The following PTPRE variants were observed in gnomAD, a reference collection of about 807,000 sequenced individuals.
PTPRE encodes the protein protein tyrosine phosphatase receptor type E.
PTPRE carries 51 observed loss-of-function variants against 102.0 expected under a neutral mutation model. The ratio of observed to expected loss-of-function variants is 0.50; its 90% confidence interval spans 0.40 to 0.63. The LOEUF is 0.63. PTPRE is among the 30% of genes least tolerant of loss of function. The pLI, the probability that PTPRE is intolerant of heterozygous loss-of-function variation, is 0.00. For missense variants in PTPRE, 752 were observed against 915.1 expected, an observed-to-expected ratio of 0.82 and a Z score of 2.30; for synonymous variants, 345 against 348.2, an observed-to-expected ratio of 0.99 and a Z score of 0.10.
chr10:128,019,932 T>C (rs1017868586), intron 2 of PTPRE, among the ~76,000 whole-genome samples: 2 of 152,188 alleles, frequency 1.3e-5, no homozygotes, highest in Non-Finnish European at 2.9e-5. Flanking sequence ...CAGTGATTGT[T>C]ATTAAGTTCT....
chr10:128,011,948 A>C (rs556056622), intron 2 of PTPRE, among the ~76,000 whole-genome samples: 2 of 152,376 alleles, frequency 1.3e-5, no homozygotes, highest in African/African-American at 4.8e-5. Context: ...TCCCAAGATC[A>C]GAGAAGGGAA....
At chr10:127,930,883 C>T (rs1384613223) in intron 1 of PTPRE, among the ~76,000 whole-genome samples, 4 of 151,730 alleles carry the variant, frequency 2.6e-5, no homozygotes, top group Admixed American at 2.0e-4. Context: ...ACTTCAGCCT[C>T]CCGGATTCAA....
chr10:127,912,860 G>A (rs902109224), intron 1 of PTPRE, among the ~76,000 whole-genome samples: 3 of 152,246 alleles, frequency 2.0e-5, no homozygotes, highest in Non-Finnish European at 2.9e-5. Context: ...CTGAGTAGGA[G>A]CCTGTCCAGG....
At chr10:127,955,793 A>T (rs958438134) in intron 1 of PTPRE, among the ~76,000 whole-genome samples, 1 of 152,196 alleles carries the variant, frequency 6.6e-6, no homozygotes, top group Non-Finnish European at 1.5e-5. Flanking sequence ...AGGAAGCATG[A>T]CTGGGAAGCC....
At chr10:128,035,869 C>G (rs1422207125) in intron 2 of PTPRE, among the ~76,000 whole-genome samples, 1 of 152,130 alleles carries the variant, frequency 6.6e-6, no homozygotes, top group African/African-American at 2.4e-5. Flanking sequence ...GAGAGAAAGT[C>G]AGGGACTGGG....
chr10:128,033,672 T>C (rs1846958317), intron 2 of PTPRE, among the ~76,000 whole-genome samples: 1 of 152,182 alleles, frequency 6.6e-6, no homozygotes, highest in Admixed American at 6.5e-5. Flanking sequence ...CAAGATGGAG[T>C]GTCGCTCTGT....
intron 20 of PTPRE, among the ~76,000 whole-genome samples, chr10:128,081,435 C>T (rs1227657118): frequency 2.6e-5 from 4 of 152,248 alleles, no homozygotes; most frequent in East Asian, 1.9e-4. Context: ...AAGTACACTT[C>T]ATCCATCACT....
intron 2 of PTPRE, among the ~76,000 whole-genome samples, chr10:128,034,922 T>C (rs1414182163): frequency 6.6e-6 from 1 of 152,234 alleles, no homozygotes; most frequent in Non-Finnish European, 1.5e-5. Flanking sequence ...ATAAGTATTA[T>C]TTTACGTTCT....
chr10:128,020,656 C>T (rs1235905491), intron 2 of PTPRE, among the ~76,000 whole-genome samples: 1 of 152,200 alleles, frequency 6.6e-6, no homozygotes, highest in South Asian at 2.1e-4. Flanking sequence ...CTGGGAAATG[C>T]TGGTCCTTAC....
At position 128,063,421 on chromosome 10, in the gene PTPRE, T is replaced by TC. The variant is rs1849787761; in HGVS notation, c.723+244dup. On this transcript the variant is annotated intron_variant, in intron 10 of 20. Coordinates refer to ENST00000254667, the MANE Select transcript of PTPRE (RefSeq NM_006504.6). ...CAATGACACAAGAGTTTCCTTTTTTTCCCAAGTAAGAGTGGCCCCCGGCTG... is the reference window on the plus strand; with the variant it reads ...CAATGACACAAGAGTTTCCTTTTTTTCCCCAAGTAAGAGTGGCCCCCGGCTG... 3.3e-5 allele frequency among the ~76,000 whole-genome samples: 5 copies of TC among 152,222 alleles called. No individual in the cohort carries two copies. The South Asian group carries it at 1.0e-3, about 31-fold the overall frequency.
At chr10:127,911,482 G>A (rs1845863611) in intron 1 of PTPRE, among the ~76,000 whole-genome samples, 1 of 152,212 alleles carries the variant, frequency 6.6e-6, no homozygotes, top group South Asian at 2.1e-4. Context: ...TGGAATCAGG[G>A]TAAGAGAGCA....
intron 1 of PTPRE, among the ~76,000 whole-genome samples, chr10:127,947,604 T>G (rs1848718356): frequency 6.6e-6 from 1 of 152,212 alleles, no homozygotes. Flanking sequence ...AGATATGCTC[T>G]TACATAACTT....
intron 2 of PTPRE, among the ~76,000 whole-genome samples, chr10:127,996,026 A>G (rs1853228457): frequency 6.6e-6 from 1 of 152,222 alleles, no homozygotes; most frequent in Admixed American, 6.5e-5. Context: ...CTGGTTTCTA[A>G]GGGAAAATTC....
At chr10:128,046,589 G>A (rs1045036888) in intron 3 of PTPRE, among the ~76,000 whole-genome samples, 7 of 152,068 alleles carry the variant, frequency 4.6e-5, no homozygotes, top group South Asian at 2.1e-4. Context: ...GATTGTCCTC[G>A]AGGAGTGGGA....
intron 16 of PTPRE, among the ~76,000 whole-genome samples, chr10:128,073,031 G>C (rs1355083242): frequency 6.6e-6 from 1 of 152,202 alleles, no homozygotes; most frequent in Non-Finnish European, 1.5e-5. Context: ...GAAACACACA[G>C]AAACATGTTA....
chr10:128,081,486 G>A (rs1851706121), intron 20 of PTPRE, among the ~76,000 whole-genome samples: 2 of 152,198 alleles, frequency 1.3e-5, no homozygotes, highest in African/African-American at 4.8e-5. Flanking sequence ...GGGATGGTCA[G>A]CAGTTAGCTG....
intron 1 of PTPRE, chr10:127,964,966 G>A (rs1242595302): frequency 2.6e-5 from 12 of 456,548 alleles, no homozygotes; most frequent in Non-Finnish European, 4.4e-5. Flanking sequence ...GACAGGGACC[G>A]TGCCGTGAAC....
intron 1 of PTPRE, among the ~76,000 whole-genome samples, chr10:127,980,315 ATTG>A (rs140533761): frequency 0.029 from 4,321 of 148,922 alleles, 245 homozygotes; most frequent in East Asian, 0.27. Flanking sequence ...TTTATTTATA[ATTG>A]TTGTTTCCAT....
chr10:128,067,071 C>T (rs549658153), intron 11 of PTPRE, among the ~76,000 whole-genome samples: 5 of 151,958 alleles, frequency 3.3e-5, no homozygotes, highest in Admixed American at 6.6e-5. Context: ...TGCACACGTA[C>T]ACCCACACAC....
Sources: allele counts gnomAD v4.1 joint callset (sites outside exome capture counted in the v4.1 genomes callset), GRCh38; gene constraint gnomAD v4.1.1; transcripts MANE v1.5; gene names NCBI Gene and HGNC (gene_info 2026-07-23, HGNC 2026-07-21).